HTRA1: variants seen among roughly 807,000 people sequenced by gnomAD.
The protein encoded by HTRA1 is HtrA serine peptidase 1.
In HTRA1, 26 loss-of-function variants were observed where a neutral mutation model predicts 49.7. That is an observed-to-expected ratio of 0.52 (90% CI 0.38 to 0.73). The LOEUF is 0.73. Ranked by LOEUF, HTRA1 falls within the 30% of genes least tolerant of loss-of-function variation. The probability of loss-of-function intolerance (pLI) is 0.00; values close to 1 mark genes in which losing one functional copy is unlikely to be tolerated. For synonymous variants in HTRA1, 291 were observed against 286.9 expected (o/e 1.01, Z -0.14); for missense variants, 561 against 667.2 (o/e 0.84, Z 1.75).
chr10:122,510,022 C>A, intron 6 of HTRA1, 74 bp from the exon 7 acceptor site: 1 of 1,305,676 alleles, frequency 7.7e-7, no homozygotes, highest in Non-Finnish European at 1.1e-6. Context: ...GGGGATTGGG[C>A]CCCCGGCCCC....
At chr10:122,485,953 G>A (rs747421847) in intron 1 of HTRA1, among the ~76,000 whole-genome samples, 1 of 152,216 alleles carries the variant, frequency 6.6e-6, no homozygotes, top group Non-Finnish European at 1.5e-5. Context: ...GTTTACAGCT[G>A]TCTGGTGACA....
chr10:122,509,982 G>A, intron 6 of HTRA1, 114 bp from the exon 7 acceptor site: 1 of 843,870 alleles, frequency 1.2e-6, no homozygotes, highest in Non-Finnish European at 2.0e-6. Context: ...CAACCTCAGT[G>A]TACCCTTCTG....
intron 3 of HTRA1, 64 bp downstream of exon 3, chr10:122,489,690 A>G: frequency 2.8e-6 from 4 of 1,451,752 alleles, no homozygotes; most frequent in Non-Finnish European, 3.8e-6. Flanking sequence ...TGGCAAAGGC[A>G]CCAGAGCTCT....
chr10:122,501,623 A>G (rs960939259), intron 3 of HTRA1, among the ~76,000 whole-genome samples: 2 of 152,150 alleles, frequency 1.3e-5, no homozygotes, highest in Admixed American at 6.5e-5. Context: ...GCAGGGTCCA[A>G]TGCAGTCAGG....
chr10:122,503,885 G>T (rs971870959), intron 3 of HTRA1, among the ~76,000 whole-genome samples: 4 of 152,216 alleles, frequency 2.6e-5, no homozygotes, highest in African/African-American at 9.6e-5. Context: ...GATGATCACT[G>T]GTGGTGCCCA....
intron 1 of HTRA1, among the ~76,000 whole-genome samples, chr10:122,466,432 G>T (rs560537770): frequency 6.6e-6 from 1 of 152,282 alleles, no homozygotes; most frequent in African/African-American, 2.4e-5. Context: ...CTCCCAAAGT[G>T]CTGGGATTAC....
intron 3 of HTRA1, among the ~76,000 whole-genome samples, chr10:122,501,961 GTTTTTTTTTTTTTTTTTTTTTT>G (rs541582341): frequency 2.7e-5 from 2 of 73,494 alleles, no homozygotes; most frequent in Non-Finnish European, 2.3e-5. Context: ...TCCATTTGGA[GTTTTTTTTTTTTTTTTTTTTTT>G]TTTTTTTTTT....
rs1012057097 is a variant in HTRA1, at chr10:122,490,012, A to T, written c.777+386A>T. On this transcript the variant is annotated intron_variant, in intron 3 of 8. Coordinates refer to ENST00000368984, the MANE Select transcript of HTRA1 (RefSeq NM_002775.5). This position sits in a 1 kb window ranked among gnomAD's most constrained non-coding sequence, Gnocchi z 4.2. ...CATCATGCGTTCACAATGAACATAGAATTTACTGGGTTTTAGACTGAGCCA... is the reference window on the plus strand; with the variant it reads ...CATCATGCGTTCACAATGAACATAGTATTTACTGGGTTTTAGACTGAGCCA... 1.2e-4 allele frequency among the ~76,000 whole-genome samples: 18 copies of T among 152,152 alleles called. No individual in the cohort carries two copies. The highest frequency in any genetic ancestry group is 4.3e-4 in the African/African-American group (18 of 41,436).
At chr10:122,469,519 T>C (rs1591025015) in intron 1 of HTRA1, among the ~76,000 whole-genome samples, 1 of 152,196 alleles carries the variant, frequency 6.6e-6, no homozygotes, top group South Asian at 2.1e-4. Flanking sequence ...TACAGGAATA[T>C]TGTATTCTCC....
intron 3 of HTRA1, 98 bp downstream of exon 3, chr10:122,489,724 G>T: frequency 8.8e-7 from 1 of 1,142,562 alleles, no homozygotes; most frequent in African/African-American, 1.5e-5. Context: ...ATTCTCGGGG[G>T]GCACTGAAGC....
At chr10:122,510,039 C>G in intron 6 of HTRA1, 57 bp from the exon 7 acceptor site, 1 of 1,479,662 alleles carries the variant, frequency 6.8e-7, no homozygotes, top group Non-Finnish European at 9.5e-7. Context: ...CCCCTGGTGT[C>G]CCCAGCACCC....
intron 6 of HTRA1, among the ~76,000 whole-genome samples, chr10:122,509,140 C>T (rs969227982): frequency 5.9e-5 from 9 of 152,150 alleles, no homozygotes; most frequent in African/African-American, 9.7e-5. Context: ...ATTCTGCAAA[C>T]GTTTATTGCC....
At position 122,510,220 on chromosome 10, in the gene HTRA1, G is replaced by A. The variant is rs1591041647; in HGVS notation, c.1178+67G>A. 16 of 1,312,778 alleles carry A rather than the reference G, an allele frequency of 1.2e-5. No individual in the cohort carries two copies. The South Asian group carries it at 1.3e-4, about 11-fold the overall frequency. The allele number at this position is 1,312,778 out of a possible 1,614,324, so 81.3% of individuals were successfully genotyped here. Reference sequence around the variant, plus strand: ...AACCTGAACTTCAGAAGGTGCTCACGGGCACCCCTGAAAGAGAAACCTTAT... The same window carrying A: ...AACCTGAACTTCAGAAGGTGCTCACAGGCACCCCTGAAAGAGAAACCTTAT... On this transcript the variant is annotated intron_variant, in intron 7 of 8. Transcript: ENST00000368984.
In HTRA1 at chr10:122,514,678, T is replaced by G; in HGVS notation, c.*319T>G. On this transcript the variant is annotated 3_prime_UTR_variant, in exon 9 of 9. Transcript: ENST00000368984. ...AACTGAGTCATCATCTTAGTCCAAC[T>G]AATGCAGTCGATACAATGCGTAGAT... 2.6e-6 allele frequency: 1 copy of G among 379,916 alleles called. No homozygotes were observed. The highest frequency in any genetic ancestry group is 5.1e-6 in the Non-Finnish European group (1 of 197,754). The allele number at this position is 379,916 out of a possible 1,614,324, so 23.5% of individuals were successfully genotyped here.
In HTRA1 at chr10:122,494,362, G is replaced by C. The variant is rs2133441385; in HGVS notation, c.777+4736G>C. 6.6e-6 allele frequency among the ~76,000 whole-genome samples: 1 copy of C among 152,252 alleles called. No individual in the cohort carries two copies. Among genetic ancestry groups the C allele is most frequent in the South Asian group, 2.1e-4 (1 of 4,822 alleles). On this transcript the variant is annotated intron_variant, in intron 3 of 8. Coordinates refer to ENST00000368984, the MANE Select transcript of HTRA1 (RefSeq NM_002775.5). The surrounding 1 kb of genome is among the most constrained non-coding windows in gnomAD (Gnocchi z 4.0). ...TGGAATTGAGGGGAAGGCACCCGGG[G>C]CTCCTGCATCGAGCTTCCCTCCTAT...
rs1016508984 is a variant in HTRA1, at chr10:122,489,151, C to G, written c.572+150C>G. 6 of 740,302 alleles carry G rather than the reference C, an allele frequency of 8.1e-6. No individual in the cohort carries two copies. The African/African-American group carries it at 1.0e-4, about 13-fold the overall frequency. The allele number at this position is 740,302 out of a possible 1,614,324, so 45.9% of individuals were successfully genotyped here. A position where few individuals can be genotyped will look rare whatever the true frequency, so the allele number is the denominator to read the frequency against. ...AAGTGTGTCTCCCTTAGAACATTTTCCCTATTCGACTATATAAATCTACAT... is the reference window on the plus strand; with the variant it reads ...AAGTGTGTCTCCCTTAGAACATTTTGCCTATTCGACTATATAAATCTACAT... On this transcript the variant is annotated intron_variant, in intron 2 of 8. Coordinates refer to ENST00000368984, the MANE Select transcript of HTRA1 (RefSeq NM_002775.5).
At chr10:122,470,983 C>T (rs1213548808) in intron 1 of HTRA1, among the ~76,000 whole-genome samples, 1 of 152,174 alleles carries the variant, frequency 6.6e-6, no homozygotes, top group East Asian at 1.9e-4. Context: ...ACCATCATGT[C>T]CAAGGGCAGA....
At chr10:122,471,229 G>A (rs2097486002) in intron 1 of HTRA1, among the ~76,000 whole-genome samples, 1 of 152,110 alleles carries the variant, frequency 6.6e-6, no homozygotes, top group Non-Finnish European at 1.5e-5. Flanking sequence ...GCCCAGTGTG[G>A]TTTAGCCCCA....
At chr10:122,469,628 G>GTGTTA (rs2097485281) in intron 1 of HTRA1, among the ~76,000 whole-genome samples, 1 of 152,212 alleles carries the variant, frequency 6.6e-6, no homozygotes, top group Non-Finnish European at 1.5e-5. Context: ...TGTGCTCATT[G>GTGTTA]TGTTATGGGC....
Sources: gnomAD v4.1 joint callset for allele counts (sites outside exome capture counted in the v4.1 genomes callset) on GRCh38, gnomAD v4.1.1 for gene constraint, Gnocchi (gnomAD v3.1) non-coding constraint, MANE v1.5 for transcripts, NCBI Gene and HGNC (gene_info 2026-07-23, HGNC 2026-07-21) for gene names.